Variants in ENOX1 observed in about 807,000 individuals in gnomAD.
ENOX1 encodes ecto-NOX disulfide-thiol exchanger 1.
In ENOX1, 42 loss-of-function variants were observed where a neutral mutation model predicts 82.5. The observed-to-expected ratio is 0.51, with a 90% confidence interval of 0.40 to 0.66. The LOEUF (loss-of-function observed/expected upper bound fraction) is 0.66. ENOX1 is among the 30% of genes least tolerant of loss of function. The pLI, the probability that ENOX1 is intolerant of heterozygous loss-of-function variation, is 0.00. For missense variants in ENOX1, 608 were observed against 811.6 expected (o/e 0.75, Z 3.05); for synonymous variants, 271 against 282.2 (o/e 0.96, Z 0.40).
chr13:43,516,408 G>A (rs1242373135), intron 2 of ENOX1, among the ~76,000 whole-genome samples: 1 of 152,150 alleles, frequency 6.6e-6, no homozygotes, highest in Non-Finnish European at 1.5e-5. Flanking sequence ...ACACGTTAGA[G>A]AAGGTTTGCC....
At chr13:43,262,404 G>T (rs2044125534) in intron 14 of ENOX1, among the ~76,000 whole-genome samples, 1 of 152,280 alleles carries the variant, frequency 6.6e-6, no homozygotes, top group East Asian at 1.9e-4. Context: ...CCTGCCCCCA[G>T]ATATAAATAA....
At chr13:43,234,957 A>AT (rs11368795) in intron 15 of ENOX1, among the ~76,000 whole-genome samples, 1,718 of 152,304 alleles carry the variant, frequency 0.011, 32 homozygotes, top group African/African-American at 0.039. Context: ...ACTGGTTCCC[A>AT]TTTTTTTAAC....
chr13:43,518,316 A>C (rs2153681099), intron 2 of ENOX1, among the ~76,000 whole-genome samples: 1 of 152,092 alleles, frequency 6.6e-6, no homozygotes, highest in Non-Finnish European at 1.5e-5. Flanking sequence ...GGTAGGTGAG[A>C]TACGTGGGTC....
chr13:43,700,306 A>G (rs2086846001), intron 1 of ENOX1, among the ~76,000 whole-genome samples: 1 of 152,126 alleles, frequency 6.6e-6, no homozygotes, highest in Non-Finnish European at 1.5e-5. Flanking sequence ...ATTTAGTGGG[A>G]TATTTTCTTG....
chr13:43,775,891 G>A (rs991734115), intron 1 of ENOX1, among the ~76,000 whole-genome samples: 1 of 152,204 alleles, frequency 6.6e-6, no homozygotes, highest in Non-Finnish European at 1.5e-5. Context: ...CACTATGGTG[G>A]CCCCCAGCTT....
chr13:43,685,332 C>G (rs1398544686), intron 1 of ENOX1, among the ~76,000 whole-genome samples: 1 of 152,124 alleles, frequency 6.6e-6, no homozygotes, highest in African/African-American at 2.4e-5. Flanking sequence ...AGAAGAGGAG[C>G]TTTTTGATGC....
chr13:43,363,762 C>G (rs1437822049), intron 5 of ENOX1, among the ~76,000 whole-genome samples: 2 of 152,094 alleles, frequency 1.3e-5, no homozygotes, highest in Admixed American at 6.5e-5. Flanking sequence ...GAAGAGAAGC[C>G]CAGTGCTTGC....
intron 1 of ENOX1, among the ~76,000 whole-genome samples, chr13:43,688,025 T>C (rs939649330): frequency 6.6e-6 from 1 of 152,022 alleles, no homozygotes; most frequent in African/African-American, 2.4e-5. Flanking sequence ...GGGCTAGTGT[T>C]TAAGTGAGAA....
intron 3 of ENOX1, among the ~76,000 whole-genome samples, chr13:43,446,790 A>G (rs1344492257): frequency 6.6e-6 from 1 of 152,102 alleles, no homozygotes; most frequent in Non-Finnish European, 1.5e-5. Flanking sequence ...TCATCCAACA[A>G]TCCCATATTC....
chr13:43,758,234 C>CA (rs930024335), intron 1 of ENOX1, among the ~76,000 whole-genome samples: 66 of 146,390 alleles, frequency 4.5e-4, no homozygotes, highest in African/African-American at 1.2e-3. Context: ...AGACTCCTCT[C>CA]AAAAAAAAAC....
intron 1 of ENOX1, among the ~76,000 whole-genome samples, chr13:43,696,728 A>G (rs1359963559): frequency 6.6e-6 from 1 of 152,140 alleles, no homozygotes; most frequent in Non-Finnish European, 1.5e-5. Flanking sequence ...TCAGGTGCTT[A>G]AACTATAACC....
intron 15 of ENOX1, among the ~76,000 whole-genome samples, chr13:43,230,102 GA>G (rs1248427784): frequency 1.3e-5 from 2 of 152,204 alleles, no homozygotes; most frequent in Non-Finnish European, 2.9e-5. Flanking sequence ...GTAAGCTGAG[GA>G]AAACTCATCA....
intron 12 of ENOX1, among the ~76,000 whole-genome samples, chr13:43,271,260 C>T (rs1159115318): frequency 3.9e-5 from 6 of 152,128 alleles, no homozygotes; most frequent in South Asian, 2.1e-4. Context: ...CATTAATAAT[C>T]GTGTATCTGT....
chr13:43,301,399 C>A (rs972790553), intron 11 of ENOX1, among the ~76,000 whole-genome samples: 2 of 151,970 alleles, frequency 1.3e-5, no homozygotes, highest in African/African-American at 4.8e-5. Context: ...GGAAAGTGTA[C>A]CATCCATTAT....
At chr13:43,542,139 C>CA (rs2078759069) in intron 2 of ENOX1, among the ~76,000 whole-genome samples, 1 of 151,934 alleles carries the variant, frequency 6.6e-6, no homozygotes. Flanking sequence ...GTGTCTTCTT[C>CA]TTTTTTTTCT....
intron 2 of ENOX1, among the ~76,000 whole-genome samples, chr13:43,598,544 G>C (rs1162884440): frequency 6.6e-6 from 1 of 152,280 alleles, no homozygotes; most frequent in East Asian, 1.9e-4. Context: ...CTCTCCACTT[G>C]CATGGTCTAT....
rs141024062 is a variant in ENOX1, at chr13:43,331,490, C to T, written c.1037-4965G>A. On this transcript the variant is annotated intron_variant, in intron 9 of 16. Coordinates refer to ENST00000690772, the MANE Select transcript of ENOX1 (RefSeq NM_001347969.2). ...TAGAGCCTCAACTCTGCAGGGTACA[C>T]AGGACATTTTTCTTTTTTTAAGGGA... 1.9e-3 allele frequency among the ~76,000 whole-genome samples: 287 copies of T among 152,276 alleles called. 1 individual carries two copies. The highest frequency in any genetic ancestry group is 6.4e-3 in the African/African-American group (266 of 41,542).
intron 2 of ENOX1, among the ~76,000 whole-genome samples, chr13:43,511,565 T>TG (rs1376662423): frequency 6.6e-6 from 1 of 152,178 alleles, no homozygotes; most frequent in Non-Finnish European, 1.5e-5. Flanking sequence ...GCATGTATTC[T>TG]GTGCTATGAG....
At chr13:43,739,280 G>A (rs1197698639) in intron 1 of ENOX1, among the ~76,000 whole-genome samples, 1 of 152,076 alleles carries the variant, frequency 6.6e-6, no homozygotes, top group Non-Finnish European at 1.5e-5. Context: ...GGGTGTGGTG[G>A]CTCACACCTG....
Sources: allele counts gnomAD v4.1 joint callset (sites outside exome capture counted in the v4.1 genomes callset), GRCh38; gene constraint gnomAD v4.1.1; transcripts MANE v1.5; gene names NCBI Gene and HGNC (gene_info 2026-07-23, HGNC 2026-07-21).